FBXO7: variants seen among roughly 807,000 people sequenced by gnomAD.
FBXO7 encodes F-box protein 7, also known as F-box only protein 7.
In FBXO7, 31 loss-of-function variants were observed where a neutral mutation model predicts 50.2. The ratio of observed to expected loss-of-function variants is 0.62; its 90% CI spans 0.46 to 0.83. FBXO7 has a LOEUF of 0.83. Among genes scored for constraint, FBXO7 ranks in the 40% least tolerant of loss-of-function variants. The pLI is 0.00. For missense variants in FBXO7, 667 were observed against 646.6 expected (o/e 1.03, Z -0.34); for synonymous variants, 256 against 253.1 (o/e 1.01, Z -0.11).
rs571959198 is a variant in FBXO7, at chr22:32,487,961, G to A, written c.871+133G>A. On this transcript the variant is annotated intron_variant, in intron 5 of 8. Transcript: ENST00000266087. The stretch of plus-strand genomic sequence containing the variant: ...AAGCATATTGAAGACAATGTGGTTT[G>A]TTTAAGAATGCAAAGGTTTAAAAAA... 17 of 661,066 alleles carry A rather than the reference G, an allele frequency of 2.6e-5. No homozygotes were observed. The Admixed American group carries it at 3.3e-4, about 13-fold the overall frequency. 41.0% of individuals were successfully genotyped at this position (661,066 alleles called of 1,614,324 possible).
Position 32,474,907 on chromosome 22 carries a change from C to T in FBXO7, c.-96C>T, listed in dbSNP as rs2057415480. ...CCCTCAGCTCCGGTAGTCGCCAGTCCGGGGTCGTCGCCGTTTGGGGCGGGA... is the reference window on the plus strand; with the variant it reads ...CCCTCAGCTCCGGTAGTCGCCAGTCTGGGGTCGTCGCCGTTTGGGGCGGGA... On this transcript the variant is annotated 5_prime_UTR_variant, in exon 1 of 9. Coordinates refer to ENST00000266087, the MANE Select transcript of FBXO7 (RefSeq NM_012179.4). 1 of 1,265,478 alleles carries T rather than the reference C, an allele frequency of 7.9e-7. No individual in the cohort carries two copies. The highest frequency in any genetic ancestry group is 1.1e-6 in the Non-Finnish European group (1 of 940,200). The allele number at this position is 1,265,478 out of a possible 1,614,324, so 78.4% of individuals were successfully genotyped here. A position where few individuals can be genotyped will look rare whatever the true frequency, so the allele number is the denominator to read the frequency against.
intron 7 of FBXO7, 64 bp from the exon 8 acceptor site, chr22:32,495,429 C>T (rs972283541): frequency 9.9e-6 from 11 of 1,108,174 alleles, no homozygotes; most frequent in Non-Finnish European, 1.5e-5. Flanking sequence ...AAAACAAAAC[C>T]CACTGTTTAA....
At chr22:32,480,976 C>G (rs1416647982) in intron 2 of FBXO7, among the ~76,000 whole-genome samples, 1 of 152,094 alleles carries the variant, frequency 6.6e-6, no homozygotes, top group East Asian at 1.9e-4. Context: ...TTTATCCGCC[C>G]TTTTAATTTT....
chr22:32,477,162 C>T (rs896833187), intron 1 of FBXO7, among the ~76,000 whole-genome samples: 2 of 152,118 alleles, frequency 1.3e-5, no homozygotes, highest in Non-Finnish European at 2.9e-5. Context: ...CACTTGTTTT[C>T]TAGCAAACAG....
intron 7 of FBXO7, among the ~76,000 whole-genome samples, chr22:32,494,797 A>C (rs1030599960): frequency 2.0e-5 from 3 of 152,220 alleles, no homozygotes; most frequent in African/African-American, 7.2e-5. Context: ...TTTTCTGTAG[A>C]TAAAATGTTA....
chr22:32,482,260 G>A (rs2057469597), intron 2 of FBXO7, among the ~76,000 whole-genome samples: 1 of 152,160 alleles, frequency 6.6e-6, no homozygotes, highest in African/African-American at 2.4e-5. Context: ...TTGGCCTTTA[G>A]GTTTTAACAG....
At chr22:32,475,340 T>TGG in intron 1 of FBXO7, 1 of 1,608,096 alleles carries the variant, frequency 6.2e-7, no homozygotes. Context: ...GGTGGTCGGC[T>TGG]GGGGTCCGGC....
At chr22:32,485,237 T>C in intron 4 of FBXO7, 28 bp downstream of exon 4, 1 of 1,613,968 alleles carries the variant, frequency 6.2e-7, no homozygotes, top group East Asian at 2.2e-5. Flanking sequence ...TCATGGTTGC[T>C]GGTTTATGGA....
At chr22:32,479,616 C>T (rs895731767) in intron 2 of FBXO7, among the ~76,000 whole-genome samples, 11 of 151,968 alleles carry the variant, frequency 7.2e-5, no homozygotes, top group African/African-American at 2.4e-4. Context: ...AGGATGGTCT[C>T]GATCTCTTGA....
chr22:32,491,079 A>T lies in FBXO7; in HGVS notation c.872-7A>T, dbSNP rs775581371. 1.9e-6 allele frequency: 3 copies of T among 1,607,044 alleles called. No individual in the cohort carries two copies. The South Asian group carries it at 3.3e-5, about 18-fold the overall frequency. On this transcript the variant is annotated splice_polypyrimidine_tract_variant and splice_region_variant and intron_variant, in intron 5 of 8. Transcript: ENST00000266087. ...GGGTTTTGATTTTACTTTAAAAAATATTCTAGGGGAAAATGTAGCCAACAT... is the reference window on the plus strand; with the variant it reads ...GGGTTTTGATTTTACTTTAAAAAATTTTCTAGGGGAAAATGTAGCCAACAT...
At chr22:32,492,528 A>C (rs753801258) in intron 6 of FBXO7, 14 of 153,252 alleles carry the variant, frequency 9.1e-5, no homozygotes, top group African/African-American at 3.1e-4. Context: ...TTCAGATAAT[A>C]GTAATTTGCT....
At chr22:32,492,834 T>C (rs575533002) in intron 6 of FBXO7, 10 of 479,440 alleles carry the variant, frequency 2.1e-5, no homozygotes, top group South Asian at 1.4e-4. Flanking sequence ...TTAGCAATTA[T>C]CATAGTTATT....
chr22:32,496,031 T>C lies in FBXO7; in HGVS notation c.1182+501T>C, dbSNP rs75830746. 2.2e-3 allele frequency among the ~76,000 whole-genome samples: 330 copies of C among 152,314 alleles called. 2 individuals are homozygous for C. The highest frequency in any genetic ancestry group is 7.2e-3 in the African/African-American group (300 of 41,560). On this transcript the variant is annotated intron_variant, in intron 8 of 8. Transcript: ENST00000266087. ...TCAGTGTAGGTGAGACAGCTTTCTA[T>C]TGGAAGAAGACGCCATCTATTTCAT...
intron 6 of FBXO7, chr22:32,491,413 A>G (rs1263034218): frequency 4.3e-6 from 2 of 460,440 alleles, no homozygotes; most frequent in African/African-American, 4.0e-5. Context: ...ATAATTGTTG[A>G]TATGATTTCT....
At chr22:32,479,401 CTTTTTTTTTT>C (rs5845002) in intron 2 of FBXO7, 126 bp downstream of exon 2, 2 of 572,602 alleles carry the variant, frequency 3.5e-6, no homozygotes, top group Non-Finnish European at 5.4e-6. Flanking sequence ...ATATTTTTTT[CTTTTTTTTTT>C]TTTTTGAGAC....
intron 7 of FBXO7, among the ~76,000 whole-genome samples, chr22:32,493,908 A>G (rs1206982383): frequency 4.6e-5 from 7 of 152,104 alleles, no homozygotes; most frequent in African/African-American, 1.7e-4. Flanking sequence ...GGAAAAATCC[A>G]TATTTATTTT....
At position 32,482,417 on chromosome 22, in the gene FBXO7, A is replaced by G. The variant is rs146480119; in HGVS notation, c.418-1480A>G. Among the ~76,000 whole-genome samples the G allele has an allele frequency of 3.6e-3, 550 of 152,240 alleles. 2 individuals are homozygous for G. The highest frequency in any genetic ancestry group is 0.012 in the African/African-American group (490 of 41,536). ...TTTCCTTTGCCCCTTCTTTAAACAA[A>G]CCCTAAAAAGACGAAACGTATGCTT... On this transcript the variant is annotated intron_variant, in intron 2 of 8. Transcript: ENST00000266087.
chr22:32,484,175 G>A (rs1284538645), intron 3 of FBXO7, 51 bp downstream of exon 3: 16 of 1,500,676 alleles, frequency 1.1e-5, no homozygotes, highest in Non-Finnish European at 1.4e-5. Context: ...CATACATGTG[G>A]ATGGTTCCTG....
intron 7 of FBXO7, among the ~76,000 whole-genome samples, chr22:32,494,137 G>A (rs567795526): frequency 7.1e-5 from 10 of 139,990 alleles, no homozygotes; most frequent in African/African-American, 2.6e-4. Context: ...AGAATATCAT[G>A]TAGAGTCATT....
Sources: allele counts gnomAD v4.1 joint callset (sites outside exome capture counted in the v4.1 genomes callset), GRCh38; gene constraint gnomAD v4.1.1; transcripts MANE v1.5; gene names NCBI Gene and HGNC (gene_info 2026-07-23, HGNC 2026-07-21).